Variants in RIPOR2 observed in about 807,000 individuals in gnomAD.
RIPOR2 encodes the protein rho family-interacting cell polarization regulator 2.
Under a neutral mutation model 114.5 loss-of-function variants are expected in RIPOR2, and 39 were observed. The ratio of observed to expected loss-of-function variants is 0.34; its 90% CI spans 0.26 to 0.44. The LOEUF (loss-of-function observed/expected upper bound fraction) is 0.44. Ranked by LOEUF, RIPOR2 falls within the 20% of genes least tolerant of loss-of-function variation. RIPOR2 has a pLI of 1.00. For missense variants in RIPOR2, 1,007 were observed against 1,255.1 expected, an observed-to-expected ratio of 0.80 and a Z score of 2.99; for synonymous variants, 445 against 484.4, an observed-to-expected ratio of 0.92 and a Z score of 1.07.
intron 1 of RIPOR2, among the ~76,000 whole-genome samples, chr6:24,885,171 A>C (rs1445683003): frequency 1.3e-5 from 2 of 152,204 alleles, no homozygotes; most frequent in Non-Finnish European, 2.9e-5. Flanking sequence ...ACAATTTTTC[A>C]TGTAAGAAAT....
intron 1 of RIPOR2, among the ~76,000 whole-genome samples, chr6:24,878,352 CTTTCTTAATA>C (rs1057317873): frequency 6.6e-6 from 1 of 152,070 alleles, no homozygotes; most frequent in Non-Finnish European, 1.5e-5. Context: ...AACTATCATG[CTTTCTTAATA>C]TTTCTGTTCT....
At chr6:24,979,231 C>A (rs1774193101) in intron 1 of RIPOR2, among the ~76,000 whole-genome samples, 1 of 151,118 alleles carries the variant, frequency 6.6e-6, no homozygotes. Context: ...CCTGGGAAAA[C>A]CGAAAACCAA....
At position 24,912,470 on chromosome 6, in the gene RIPOR2, T is replaced by C. The variant is rs1421665290; in HGVS notation, c.61+23368A>G. Among the ~76,000 whole-genome samples, 18 of 63,030 alleles carry C rather than the reference T, an allele frequency of 2.9e-4. No individual in the cohort carries two copies. The Middle Eastern group carries it at 0.028, about 99-fold the overall frequency. 41.4% of individuals were successfully genotyped at this position (63,030 alleles called of 152,430 possible). Reference sequence around the variant, plus strand: ...TCCAAGATCCCTTGCCCCCCCCCTTTTTTTTTTGCCCTTTCATTTCAGAGC... The same window carrying C: ...TCCAAGATCCCTTGCCCCCCCCCTTCTTTTTTTGCCCTTTCATTTCAGAGC... On this transcript the variant is annotated intron_variant, in intron 1 of 21. Coordinates refer to ENST00000643898, the MANE Select transcript of RIPOR2 (RefSeq NM_001286445.3).
intron 1 of RIPOR2, among the ~76,000 whole-genome samples, chr6:24,877,931 A>C (rs1765959983): frequency 6.6e-6 from 1 of 152,158 alleles, no homozygotes; most frequent in Non-Finnish European, 1.5e-5. Context: ...GGAACAGGTA[A>C]CTAAAGGTGA....
chr6:24,849,562 G>T (rs1762650828), intron 11 of RIPOR2, among the ~76,000 whole-genome samples: 1 of 152,174 alleles, frequency 6.6e-6, no homozygotes, highest in African/African-American at 2.4e-5. Context: ...AGTAGAAGAG[G>T]AGATTGGTGA....
At chr6:24,984,087 C>T (rs1163611784) in intron 1 of RIPOR2, among the ~76,000 whole-genome samples, 1 of 152,134 alleles carries the variant, frequency 6.6e-6, no homozygotes, top group Non-Finnish European at 1.5e-5. Flanking sequence ...AACTTGACAC[C>T]TCGGAGCACC....
At chr6:24,998,597 C>T (rs555760061) in intron 1 of RIPOR2, among the ~76,000 whole-genome samples, 1 of 152,282 alleles carries the variant, frequency 6.6e-6, no homozygotes, top group African/African-American at 2.4e-5. Flanking sequence ...CTCTCCATTG[C>T]CCCTATACAA....
At chr6:24,962,392 T>G (rs392661) in intron 1 of RIPOR2, among the ~76,000 whole-genome samples, 120,774 of 151,890 alleles carry the variant, frequency 0.8, 51,548 homozygotes, top group East Asian at 0.96. Flanking sequence ...GAGGAGAGAG[T>G]TTGGAGGTCG....
At chr6:24,890,083 C>T (rs1458802030) in intron 1 of RIPOR2, among the ~76,000 whole-genome samples, 1 of 152,014 alleles carries the variant, frequency 6.6e-6, no homozygotes, top group African/African-American at 2.4e-5. Context: ...TTAGTAGAGA[C>T]AGGGTTTCAC....
At chr6:24,932,116 C>T (rs941635745) in intron 1 of RIPOR2, 5 of 152,202 alleles carry the variant, frequency 3.3e-5, no homozygotes, top group African/African-American at 4.8e-5. Context: ...GTCAAGATCA[C>T]ACAGTGACAA....
At chr6:24,951,798 G>A (rs1372423279) in intron 1 of RIPOR2, among the ~76,000 whole-genome samples, 1 of 152,150 alleles carries the variant, frequency 6.6e-6, no homozygotes, top group East Asian at 1.9e-4. Flanking sequence ...CTAATTCACA[G>A]AATAATCAGC....
intron 1 of RIPOR2, among the ~76,000 whole-genome samples, chr6:24,949,806 C>T (rs1581861518): frequency 7.3e-6 from 1 of 136,256 alleles, no homozygotes; most frequent in East Asian, 2.0e-4. Context: ...TCAGGGAAAG[C>T]CCCTGGGTGC....
chr6:24,960,600 A>C (rs1773257584), intron 1 of RIPOR2, among the ~76,000 whole-genome samples: 1 of 152,060 alleles, frequency 6.6e-6, no homozygotes, highest in Non-Finnish European at 1.5e-5. Flanking sequence ...ATCTCAGCTC[A>C]CTGCAGCCTT....
At chr6:24,843,726 T>TGC (rs1294972909) in intron 12 of RIPOR2, among the ~76,000 whole-genome samples, 172 bp from the exon 13 acceptor site, 2 of 150,916 alleles carry the variant, frequency 1.3e-5, no homozygotes, top group African/African-American at 4.9e-5. Flanking sequence ...TGTGTGTGTG[T>TGC]GTGTGTGTGT....
At chr6:24,957,501 T>A (rs773619527) in intron 1 of RIPOR2, among the ~76,000 whole-genome samples, 6 of 152,194 alleles carry the variant, frequency 3.9e-5, no homozygotes, top group Non-Finnish European at 8.8e-5. Context: ...TTCTGTGGGC[T>A]CTTAGTAAGG....
chr6:24,819,780 C>T (rs766273271), intron 19 of RIPOR2, among the ~76,000 whole-genome samples: 59 of 150,444 alleles, frequency 3.9e-4, no homozygotes, highest in Non-Finnish European at 8.0e-4. Context: ...GGATTACAGG[C>T]GTGAGCTACT....
intron 5 of RIPOR2, 44 bp downstream of exon 5, chr6:24,870,822 G>A (rs772933133): frequency 6.5e-7 from 1 of 1,538,042 alleles, no homozygotes; most frequent in Non-Finnish European, 8.9e-7. Flanking sequence ...CAAGGATGCA[G>A]AATTTTTTTC....
intron 12 of RIPOR2, among the ~76,000 whole-genome samples, chr6:24,845,091 A>G (rs1484108607): frequency 6.6e-6 from 1 of 151,740 alleles, no homozygotes; most frequent in Non-Finnish European, 1.5e-5. Flanking sequence ...TACTTTAACC[A>G]CAGGACGAGT....
intron 1 of RIPOR2, among the ~76,000 whole-genome samples, chr6:24,904,226 T>C (rs1293790235): frequency 1.3e-5 from 2 of 152,252 alleles, no homozygotes; most frequent in Admixed American, 1.3e-4. Context: ...AAAATGGGTC[T>C]CACTGGACTA....
Sources: gnomAD v4.1 joint callset for allele counts (sites outside exome capture counted in the v4.1 genomes callset) on GRCh38, gnomAD v4.1.1 for gene constraint, MANE v1.5 for transcripts, NCBI Gene and HGNC (gene_info 2026-07-23, HGNC 2026-07-21) for gene names.